TTBK2: variants seen among roughly 807,000 people sequenced by gnomAD.
TTBK2 encodes the protein tau tubulin kinase 2.
Under a neutral mutation model 110.8 loss-of-function variants are expected in TTBK2, and 28 were observed. That is an observed-to-expected ratio of 0.25 (90% CI 0.19 to 0.35). The LOEUF (loss-of-function observed/expected upper bound fraction) is 0.35, where lower values mean the gene tolerates loss of function less well. TTBK2 is among the 10% of genes least tolerant of loss of function. TTBK2 has a pLI of 1.00. For synonymous variants in TTBK2, 532 were observed against 527.3 expected, an observed-to-expected ratio of 1.01 and a Z score of -0.12; for missense variants, 1,369 against 1,500.3, an observed-to-expected ratio of 0.91 and a Z score of 1.45.
intron 9 of TTBK2, among the ~76,000 whole-genome samples, chr15:42,795,235 G>A (rs1014641529): frequency 6.6e-6 from 1 of 150,492 alleles, no homozygotes; most frequent in Non-Finnish European, 1.5e-5. Context: ...GGGGAATATA[G>A]AAGTTCATTG....
At chr15:42,824,147 T>G (rs181938124) in intron 6 of TTBK2, among the ~76,000 whole-genome samples, 3 of 152,138 alleles carry the variant, frequency 2.0e-5, no homozygotes, top group Non-Finnish European at 4.4e-5. Context: ...GAGTGATCTA[T>G]TCATGCGTGA....
At chr15:42,820,075 G>T (rs1192089392) in intron 6 of TTBK2, among the ~76,000 whole-genome samples, 2 of 152,168 alleles carry the variant, frequency 1.3e-5, no homozygotes, top group Non-Finnish European at 2.9e-5. Context: ...GCCATAGAAA[G>T]ACTGAAATAG....
intron 4 of TTBK2, among the ~76,000 whole-genome samples, chr15:42,837,309 G>A (rs948951936): frequency 5.5e-5 from 8 of 146,176 alleles, no homozygotes; most frequent in African/African-American, 2.0e-4. Context: ...AGTGAGCTGA[G>A]ATCACGCCAC....
intron 13 of TTBK2, among the ~76,000 whole-genome samples, chr15:42,761,724 A>C (rs905619881): frequency 2.6e-5 from 4 of 152,234 alleles, no homozygotes; most frequent in African/African-American, 7.2e-5. Context: ...AGGGAAATGC[A>C]AATAAAAACC....
rs576952843 is a variant in TTBK2 at position 42,783,050 on chromosome 15, A to C, written c.1197+369T>G. Among the ~76,000 whole-genome samples, 176 of 152,316 alleles carry C rather than the reference A, an allele frequency of 1.2e-3. 1 individual carries two copies. Among genetic ancestry groups the C allele is most frequent in the African/African-American group, 4.1e-3 (170 of 41,552 alleles). On this transcript the variant is annotated intron_variant, in intron 11 of 14. Transcript: ENST00000267890. Reference sequence around the variant, plus strand: ...CAGCCAAATCACATTGTGGCATATCACATCGATCCAGAGATCATTTTGCAA... The same window carrying C: ...CAGCCAAATCACATTGTGGCATATCCCATCGATCCAGAGATCATTTTGCAA...
intron 6 of TTBK2, among the ~76,000 whole-genome samples, chr15:42,817,897 T>G (rs1892108975): frequency 6.6e-6 from 1 of 152,226 alleles, no homozygotes; most frequent in African/African-American, 2.4e-5. Context: ...TTTTAAGGCT[T>G]CTGCTCACAT....
At chr15:42,891,358 G>C (rs1895448416) in intron 1 of TTBK2, among the ~76,000 whole-genome samples, 2 of 151,000 alleles carry the variant, frequency 1.3e-5, no homozygotes, top group African/African-American at 2.4e-5. Flanking sequence ...CTTTTTTGTA[G>C]AGACAGAGTC....
intron 3 of TTBK2, among the ~76,000 whole-genome samples, chr15:42,849,618 C>G (rs1893613415): frequency 6.6e-6 from 1 of 152,050 alleles, no homozygotes; most frequent in Non-Finnish European, 1.5e-5. Context: ...CAGTAATTGA[C>G]CAAGTTGAGT....
At chr15:42,763,188 ATATATTTTTTTTTTTTTTTTT>A (rs1567009107) in intron 13 of TTBK2, among the ~76,000 whole-genome samples, 2 of 24,542 alleles carry the variant, frequency 8.1e-5, no homozygotes, top group African/African-American at 4.7e-4. Context: ...ATATATATAT[ATATATTTTTTTTTTTTTTTTT>A]TTTTTTTTTT....
At chr15:42,903,100 C>T (rs1050410098) in intron 1 of TTBK2, among the ~76,000 whole-genome samples, 1 of 151,958 alleles carries the variant, frequency 6.6e-6, no homozygotes. Flanking sequence ...CCACCGTGCC[C>T]GGCTGGGAAT....
intron 4 of TTBK2, among the ~76,000 whole-genome samples, chr15:42,830,968 G>A (rs879651442): frequency 1.2e-4 from 18 of 151,162 alleles, no homozygotes; most frequent in East Asian, 1.9e-4. Flanking sequence ...TCACGCCACC[G>A]CACTACAGCC....
rs1484952159 is a variant in TTBK2, at chr15:42,744,924, A to C, written c.*871T>G. On this transcript the variant is annotated 3_prime_UTR_variant, in exon 15 of 15. Transcript: ENST00000267890. ...CAGTTTTCCTTCTACTCAAGTTTCT[A>C]AAGGAGGACACTTAACAGAGATGAA... 1.3e-5 allele frequency: 2 copies of C among 154,304 alleles called. No homozygotes were observed. The highest frequency in any genetic ancestry group is 3.8e-4 in the East Asian group (2 of 5,200). The allele number at this position is 154,304 out of a possible 1,614,324, so 9.6% of individuals were successfully genotyped here.
In TTBK2 at chr15:42,739,139, C is replaced by T. The variant is rs1334592634; in HGVS notation, c.*6656G>A. On this transcript the variant is annotated 3_prime_UTR_variant, in exon 15 of 15. Transcript: ENST00000267890. The stretch of plus-strand genomic sequence containing the variant: ...ACAGGTGGCCTATACAAAAGCACTC[C>T]ATGTTTCTGCCGATACTCTGTCCTT... 1.3e-5 allele frequency: 2 copies of T among 152,118 alleles called. No individual in the cohort carries two copies. The highest frequency in any genetic ancestry group is 4.8e-5 in the African/African-American group (2 of 41,414). 9.4% of individuals were successfully genotyped at this position (152,118 alleles called of 1,614,324 possible).
At chr15:42,853,807 G>T (rs1893819071) in intron 3 of TTBK2, among the ~76,000 whole-genome samples, 1 of 152,114 alleles carries the variant, frequency 6.6e-6, no homozygotes. Flanking sequence ...CTTGAACCTG[G>T]GAGGTGGAGG....
intron 1 of TTBK2, among the ~76,000 whole-genome samples, chr15:42,900,510 C>G (rs1420923170): frequency 6.6e-6 from 1 of 151,954 alleles, no homozygotes; most frequent in Non-Finnish European, 1.5e-5. Context: ...CTTGAGGTCA[C>G]TAGTTTGAGA....
At chr15:42,893,994 T>C (rs1895571429) in intron 1 of TTBK2, among the ~76,000 whole-genome samples, 1 of 152,154 alleles carries the variant, frequency 6.6e-6, no homozygotes, top group Non-Finnish European at 1.5e-5. Context: ...TCTCATCTTG[T>C]AGTTCCCATA....
At position 42,874,762 on chromosome 15, in the gene TTBK2, C is replaced by T. The variant is rs181004974; in HGVS notation, c.70-2004G>A. ...CAGCACTTTGGGAGGCCGAGGCGGG[C>T]GGATCATGAAGTCAGGAGTTTGAGA... On this transcript the variant is annotated intron_variant, in intron 2 of 14. Transcript: ENST00000267890. 3.9e-3 allele frequency among the ~76,000 whole-genome samples: 590 copies of T among 150,850 alleles called. 3 individuals carry two copies. Among genetic ancestry groups the T allele is most frequent in the Non-Finnish European group, 6.4e-3 (435 of 67,526 alleles).
Position 42,775,403 on chromosome 15 carries a change from C to A in TTBK2, c.1730G>T (p.Ser577Ile). The A allele has an allele frequency of 6.2e-7, 1 of 1,614,224 alleles. No homozygotes were observed. The highest frequency in any genetic ancestry group is 8.5e-7 in the Non-Finnish European group (1 of 1,180,040). The change falls in exon 13 of 15, where the codon AGT becomes ATT. Residue 577 changes from serine to isoleucine, a missense_variant. Around this residue, in one of 4 missense-constraint regions of TTBK2, gnomAD observed 1,097 missense variants for 1,114.7 expected, o/e 0.98. Transcript: ENST00000267890. ...TACTTCAGGCTCCTCATCAGAAGGA[C>A]TTCCAGTTGTTTTATGTCCTACAGC... is the stretch of plus-strand genomic sequence containing the variant. ...NEAVGHKTTG[S>I]PSDEEPEVLQ... is the part of the protein sequence containing the mutation.
chr15:42,779,711 G>C (rs1392920961), intron 11 of TTBK2, among the ~76,000 whole-genome samples: 1 of 152,122 alleles, frequency 6.6e-6, no homozygotes, highest in African/African-American at 2.4e-5. Context: ...TGGGCGCGGT[G>C]GCTCACACCT....
Sources: gnomAD v4.1 joint callset for allele counts (sites outside exome capture counted in the v4.1 genomes callset) on GRCh38, gnomAD v4.1.1 for gene constraint, gnomAD v4.1.1 regional missense constraint, MANE v1.5 for transcripts, NCBI Gene and HGNC (gene_info 2026-07-23, HGNC 2026-07-21) for gene names.